PLPPR1: variants seen among roughly 807,000 people sequenced by gnomAD.
The protein encoded by PLPPR1 is phospholipid phosphatase related 1.
Under a neutral mutation model 33.1 loss-of-function variants are expected in PLPPR1, and 10 were observed. The ratio of observed to expected loss-of-function variants is 0.30; its 90% CI spans 0.19 to 0.51. The LOEUF is 0.51. Ranked by LOEUF, PLPPR1 falls within the 20% of genes least tolerant of loss-of-function variation. The probability of loss-of-function intolerance (pLI) is 0.97; values close to 1 mark genes in which losing one functional copy is unlikely to be tolerated. For synonymous variants in PLPPR1, 151 were observed against 151.0 expected (o/e 1.00, Z 0.00); for missense variants, 304 against 408.1 (o/e 0.74, Z 2.20).
chr9:101,304,810 C>T (rs1159161732), intron 4 of PLPPR1, among the ~76,000 whole-genome samples: 1 of 152,146 alleles, frequency 6.6e-6, no homozygotes, highest in Non-Finnish European at 1.5e-5. Flanking sequence ...ATCTGCTGTC[C>T]TCACTGTGTG....
chr9:101,163,719 G>GT (rs1825802771), intron 1 of PLPPR1, among the ~76,000 whole-genome samples: 1 of 152,196 alleles, frequency 6.6e-6, no homozygotes, highest in South Asian at 2.1e-4. Context: ...TGAGAACACT[G>GT]TAACAGGTGT....
At chr9:101,117,891 T>A (rs12684088) in intron 1 of PLPPR1, among the ~76,000 whole-genome samples, 6,628 of 152,260 alleles carry the variant, frequency 0.044, 323 homozygotes, top group East Asian at 0.28. Flanking sequence ...TCACCATAGT[T>A]TTGTCTGACT....
chr9:101,109,217 GC>G (rs957268290), intron 1 of PLPPR1, among the ~76,000 whole-genome samples: 2 of 142,608 alleles, frequency 1.4e-5, no homozygotes, highest in African/African-American at 5.2e-5. Flanking sequence ...GTCACGATCC[GC>G]CGGCCTCGGC....
At chr9:101,303,260 G>A (rs1001891649) in intron 4 of PLPPR1, among the ~76,000 whole-genome samples, 26 of 150,406 alleles carry the variant, frequency 1.7e-4, no homozygotes, top group South Asian at 1.1e-3. Context: ...CTGGGATTAC[G>A]GGGACAAGCC....
rs568617428 is a variant in PLPPR1, at chr9:101,175,670, C to A, written c.-45-9780C>A. Among the ~76,000 whole-genome samples, 6 of 152,252 alleles carry A rather than the reference C, an allele frequency of 3.9e-5. No individual in the cohort carries two copies. In the East Asian group the frequency reaches 1.2e-3, roughly 29 times the overall value. On this transcript the variant is annotated intron_variant, in intron 1 of 7. Transcript: ENST00000374874. ...CTTCTAGTCATGCCTAATGGGATAC[C>A]TGGCATAATTTAAGAATAAGTGAAT... is the stretch of plus-strand genomic sequence containing the variant.
At position 101,299,470 on chromosome 9, in the gene PLPPR1, G is replaced by T. The variant is rs536565895; in HGVS notation, c.386-9741G>T. Reference sequence around the variant, plus strand: ...TGATGAGGTTACTTTTGGTTCCTCTGCTCAGTGCAGGGACTGAATCTATTC... The same window carrying T: ...TGATGAGGTTACTTTTGGTTCCTCTTCTCAGTGCAGGGACTGAATCTATTC... On this transcript the variant is annotated intron_variant, in intron 4 of 7. Coordinates refer to ENST00000374874, the MANE Select transcript of PLPPR1 (RefSeq NM_207299.2). 1.2e-3 allele frequency among the ~76,000 whole-genome samples: 177 copies of T among 152,264 alleles called. 2 individuals carry two copies. Among genetic ancestry groups the T allele is most frequent in the Non-Finnish European group, 8.8e-4 (60 of 68,014 alleles).
chr9:101,198,783 C>A (rs542107315), intron 2 of PLPPR1, among the ~76,000 whole-genome samples: 1 of 152,252 alleles, frequency 6.6e-6, no homozygotes, highest in South Asian at 2.1e-4. Flanking sequence ...TGGCATGGAC[C>A]AAGACCTATA....
chr9:101,042,618 T>C (rs1253769337), intron 1 of PLPPR1, among the ~76,000 whole-genome samples: 1 of 152,178 alleles, frequency 6.6e-6, no homozygotes, highest in African/African-American at 2.4e-5. Context: ...TTGAGAACTT[T>C]TCTTTTTCTT....
intron 1 of PLPPR1, among the ~76,000 whole-genome samples, chr9:101,034,528 G>C (rs1246548243): frequency 2.0e-5 from 3 of 152,140 alleles, no homozygotes; most frequent in African/African-American, 7.2e-5. Context: ...AATTGATTCA[G>C]AATTCTAAAT....
intron 3 of PLPPR1, among the ~76,000 whole-genome samples, chr9:101,278,535 T>TCC (rs1284659408): frequency 6.6e-6 from 1 of 152,046 alleles, no homozygotes; most frequent in Non-Finnish European, 1.5e-5. Flanking sequence ...GCACCACCCC[T>TCC]CCCCCAACCA....
At chr9:101,065,321 T>A (rs557114041) in intron 1 of PLPPR1, among the ~76,000 whole-genome samples, 34 of 152,220 alleles carry the variant, frequency 2.2e-4, no homozygotes, top group Middle Eastern at 3.4e-3. Context: ...GTATTGTAGA[T>A]GTCATATTAT....
intron 1 of PLPPR1, among the ~76,000 whole-genome samples, chr9:101,112,341 T>C (rs1449488384): frequency 2.0e-5 from 3 of 152,226 alleles, no homozygotes; most frequent in Non-Finnish European, 4.4e-5. Flanking sequence ...AAATAAAAGT[T>C]TATTTTCATG....
intron 2 of PLPPR1, among the ~76,000 whole-genome samples, chr9:101,248,505 A>T (rs996421953): frequency 2.9e-4 from 44 of 152,084 alleles, no homozygotes; most frequent in African/African-American, 1.1e-3. Flanking sequence ...AGTTTTAAAG[A>T]GGAACAATCA....
At chr9:101,183,754 G>T (rs1449531580) in intron 1 of PLPPR1, among the ~76,000 whole-genome samples, 2 of 150,854 alleles carry the variant, frequency 1.3e-5, no homozygotes, top group African/African-American at 2.4e-5. Context: ...AAGCTTGGTT[G>T]CATTTTGGAC....
chr9:101,117,048 A>T (rs911745363), intron 1 of PLPPR1, among the ~76,000 whole-genome samples: 2 of 152,140 alleles, frequency 1.3e-5, no homozygotes, highest in Non-Finnish European at 2.9e-5. Context: ...GTTACAGAAG[A>T]TGGATCTTCA....
chr9:101,270,021 A>T lies in PLPPR1; in HGVS notation c.205A>T (p.Thr69Ser). The change falls in exon 3 of 8, where the codon ACC (threonine) becomes TCC (serine). Residue 69 changes from threonine (T) to serine (S), a missense_variant. Transcript: ENST00000374874. ...YPGTEEESFI[T>S]PLVLYCVLAA... ...AGGGACAGAGGAAGAAAGCTTCATC[A>T]CCCCTCTGGTGCTCTATTGTGTGCT... 3 of 1,614,090 alleles carry T rather than the reference A, an allele frequency of 1.9e-6. No homozygotes were observed. The highest frequency in any genetic ancestry group is 1.7e-6 in the Non-Finnish European group (2 of 1,180,010).
intron 1 of PLPPR1, among the ~76,000 whole-genome samples, chr9:101,183,832 ATTC>A (rs972017957): frequency 2.0e-5 from 3 of 151,612 alleles, no homozygotes; most frequent in Non-Finnish European, 3.0e-5. Flanking sequence ...CTTTATTGTT[ATTC>A]TTTATTAATT....
At chr9:101,204,287 A>G (rs1447147099) in intron 2 of PLPPR1, among the ~76,000 whole-genome samples, 1 of 152,158 alleles carries the variant, frequency 6.6e-6, no homozygotes, top group Non-Finnish European at 1.5e-5. Context: ...AGAGGACTTT[A>G]TGTCACACTA....
At chr9:101,298,612 A>G (rs1828691297) in intron 4 of PLPPR1, among the ~76,000 whole-genome samples, 1 of 152,128 alleles carries the variant, frequency 6.6e-6, no homozygotes, top group Non-Finnish European at 1.5e-5. Context: ...TTCAGTATTT[A>G]TAGTTAAAAT....
Sources: gnomAD v4.1 joint callset for allele counts (sites outside exome capture counted in the v4.1 genomes callset) on GRCh38, gnomAD v4.1.1 for gene constraint, MANE v1.5 for transcripts, NCBI Gene and HGNC (gene_info 2026-07-23, HGNC 2026-07-21) for gene names.